The following STEAP3 variants were observed in gnomAD, a reference collection of about 807,000 sequenced individuals.
STEAP3 encodes the protein metalloreductase STEAP3.
Under a neutral mutation model 34.9 loss-of-function variants are expected in STEAP3, and 35 were observed. That is an observed-to-expected ratio of 1.00 (90% CI 0.76 to 1.33). The LOEUF (loss-of-function observed/expected upper bound fraction) is 1.33. Among genes scored for constraint, STEAP3 ranks in the 40% most tolerant of loss-of-function variants. The probability of loss-of-function intolerance (pLI) is 0.00; values close to 1 mark genes in which losing one functional copy is unlikely to be tolerated. For missense variants in STEAP3, 652 were observed against 667.6 expected, an observed-to-expected ratio of 0.98 and a Z score of 0.26; for synonymous variants, 281 against 301.6, an observed-to-expected ratio of 0.93 and a Z score of 0.71.
At chr2:119,228,738 T>G (rs113817773) in intron 1 of STEAP3, among the ~76,000 whole-genome samples, 5 of 152,076 alleles carry the variant, frequency 3.3e-5, no homozygotes, top group Admixed American at 6.5e-5. Context: ...GTGAGTTCCA[T>G]TGGGGCTGCC....
chr2:119,243,087 C>A (rs1239997494), intron 2 of STEAP3, among the ~76,000 whole-genome samples: 1 of 152,236 alleles, frequency 6.6e-6, no homozygotes, highest in Non-Finnish European at 1.5e-5. Flanking sequence ...CCACCCCCAT[C>A]TGTGGACTCG....
intron 1 of STEAP3, among the ~76,000 whole-genome samples, chr2:119,227,027 G>A (rs1022806880): frequency 2.6e-5 from 4 of 152,112 alleles, no homozygotes; most frequent in South Asian, 2.1e-4. Context: ...CACTTACCGA[G>A]CACTAACTTT....
At chr2:119,226,698 C>T (rs898169590) in intron 1 of STEAP3, among the ~76,000 whole-genome samples, 5 of 152,092 alleles carry the variant, frequency 3.3e-5, no homozygotes, top group African/African-American at 4.8e-5. Context: ...CCACAGGTCC[C>T]GGGCCTCTTT....
chr2:119,258,171 T>C (rs887479846), intron 5 of STEAP3, among the ~76,000 whole-genome samples: 3 of 152,196 alleles, frequency 2.0e-5, no homozygotes, highest in African/African-American at 7.2e-5. Flanking sequence ...ATGGCATTTG[T>C]AAACTGACAT....
At chr2:119,262,817 T>C (rs900712649) in intron 5 of STEAP3, among the ~76,000 whole-genome samples, 1 of 152,226 alleles carries the variant, frequency 6.6e-6, no homozygotes, top group African/African-American at 2.4e-5. Context: ...GGTGGGTCCT[T>C]AGACACCTTC....
intron 2 of STEAP3, among the ~76,000 whole-genome samples, chr2:119,237,053 G>A (rs976149891): frequency 1.3e-5 from 2 of 152,230 alleles, no homozygotes; most frequent in African/African-American, 4.8e-5. Flanking sequence ...ACTTCAGAAG[G>A]TTGCAGAGCC....
intron 1 of STEAP3, among the ~76,000 whole-genome samples, chr2:119,227,492 G>C (rs549335194): frequency 6.6e-6 from 1 of 152,106 alleles, no homozygotes; most frequent in South Asian, 2.1e-4. Flanking sequence ...CACAGTTACC[G>C]GGCAGCGTGG....
intron 5 of STEAP3, among the ~76,000 whole-genome samples, chr2:119,259,336 G>A (rs78208176): frequency 0.015 from 2,238 of 152,252 alleles, 60 homozygotes; most frequent in African/African-American, 0.051. Flanking sequence ...CTCTCCTTTT[G>A]GGCTTCTTTG....
chr2:119,235,898 A>ACCCCAGTG (rs1178088650), intron 2 of STEAP3, among the ~76,000 whole-genome samples: 4 of 151,884 alleles, frequency 2.6e-5, no homozygotes, highest in African/African-American at 7.3e-5. Flanking sequence ...CCCAGTGCCG[A>ACCCCAGTG]CCCCAGTGCC....
chr2:119,236,542 G>T (rs553341221), intron 2 of STEAP3, among the ~76,000 whole-genome samples: 38 of 152,316 alleles, frequency 2.5e-4, no homozygotes, highest in Non-Finnish European at 3.8e-4. Context: ...GCCTGGCCTG[G>T]CTAGGGAAGC....
At chr2:119,248,692 G>A (rs1299885339) in intron 4 of STEAP3, 1 of 154,912 alleles carries the variant, frequency 6.5e-6, no homozygotes. Context: ...GAGCAGCCAG[G>A]AGGCCCATGT....
At chr2:119,244,694 A>G (rs1032062694) in intron 2 of STEAP3, 3 of 152,158 alleles carry the variant, frequency 2.0e-5, no homozygotes, top group Admixed American at 6.5e-5. Context: ...AGTTGGTGAC[A>G]ATTAATATAT....
At chr2:119,262,921 C>T in intron 5 of STEAP3, 136 bp from the exon 6 acceptor site, 2 of 1,135,222 alleles carry the variant, frequency 1.8e-6, no homozygotes, top group Non-Finnish European at 2.5e-6. Flanking sequence ...AGTGACAGGA[C>T]TGGGGTTCCA....
chr2:119,245,183 A>C, intron 2 of STEAP3: 1 of 392,752 alleles, frequency 2.5e-6, no homozygotes, highest in Non-Finnish European at 4.6e-6. Context: ...TGGTCATGGA[A>C]ATTCCAGAGT....
intron 5 of STEAP3, among the ~76,000 whole-genome samples, chr2:119,262,658 G>A (rs1385707042): frequency 1.3e-5 from 2 of 152,186 alleles, no homozygotes; most frequent in African/African-American, 2.4e-5. Flanking sequence ...GATTACAGGC[G>A]AGAGCCACCG....
chr2:119,244,786 A>G (rs1204017952), intron 2 of STEAP3: 1 of 152,206 alleles, frequency 6.6e-6, no homozygotes, highest in East Asian at 1.9e-4. Flanking sequence ...TCTTGGGCTC[A>G]GCAAAGAAGA....
chr2:119,234,788 G>A (rs935776161), intron 2 of STEAP3, among the ~76,000 whole-genome samples: 9 of 152,254 alleles, frequency 5.9e-5, no homozygotes, highest in African/African-American at 2.2e-4. Flanking sequence ...AAGTTGTGCA[G>A]CATAGGGACC....
intron 1 of STEAP3, among the ~76,000 whole-genome samples, chr2:119,225,448 G>A (rs975005340): frequency 6.6e-6 from 1 of 152,208 alleles, no homozygotes; most frequent in African/African-American, 2.4e-5. Flanking sequence ...TGTCCACCTG[G>A]GGGTTGAACA....
intron 2 of STEAP3, among the ~76,000 whole-genome samples, chr2:119,243,280 G>A (rs1444820046): frequency 6.6e-6 from 1 of 152,232 alleles, no homozygotes; most frequent in African/African-American, 2.4e-5. Flanking sequence ...CATTGAGAAT[G>A]CACCCCCTTC....
Sources: allele counts gnomAD v4.1 joint callset (sites outside exome capture counted in the v4.1 genomes callset), GRCh38; gene constraint gnomAD v4.1.1; transcripts MANE v1.5; gene names NCBI Gene and HGNC (gene_info 2026-07-23, HGNC 2026-07-21).